NPFFR2: variants seen among roughly 807,000 people sequenced by gnomAD.
NPFFR2 encodes G-protein coupled receptor 74.
In NPFFR2, 15 loss-of-function variants were observed where a neutral mutation model predicts 13.1. The ratio of observed to expected loss-of-function variants is 1.15; its 90% CI spans 0.77 to 1.76. The LOEUF (loss-of-function observed/expected upper bound fraction) is 1.76, where lower values mean the gene tolerates loss of function less well. Ranked by LOEUF, NPFFR2 falls within the 40% of genes most tolerant of loss-of-function variation. The pLI, the probability that NPFFR2 is intolerant of heterozygous loss-of-function variation, is 0.00. For synonymous variants in NPFFR2, 190 were observed against 175.7 expected (o/e 1.08, Z -0.65); for missense variants, 572 against 503.5 (o/e 1.14, Z -1.30).
chr4:72,038,901 CTTTCTT>C (rs1246537674), intron 1 of NPFFR2, among the ~76,000 whole-genome samples: 881 of 86,874 alleles, frequency 0.01, 6 homozygotes, highest in East Asian at 0.015. Flanking sequence ...TTTAAATTTC[CTTTCTT>C]TTTTTTTTTT....
At chr4:72,066,466 AAAAGTCT>A (rs1720075410) in intron 1 of NPFFR2, among the ~76,000 whole-genome samples, 1 of 152,180 alleles carries the variant, frequency 6.6e-6, no homozygotes, top group African/African-American at 2.4e-5. Flanking sequence ...GTATCAACTT[AAAAGTCT>A]AAAGTCCAAA....
intron 1 of NPFFR2, among the ~76,000 whole-genome samples, chr4:72,128,266 G>A (rs1415158616): frequency 6.6e-6 from 1 of 152,112 alleles, no homozygotes; most frequent in Non-Finnish European, 1.5e-5. Context: ...GGAGGTAGAG[G>A]GAAGGAGAGT....
At chr4:72,143,913 A>C (rs954627391) in intron 3 of NPFFR2, among the ~76,000 whole-genome samples, 1 of 152,174 alleles carries the variant, frequency 6.6e-6, no homozygotes, top group Non-Finnish European at 1.5e-5. Context: ...TTCTGCAACA[A>C]ATGGTTTGAT....
chr4:72,058,422 A>T (rs1418728875), intron 1 of NPFFR2, among the ~76,000 whole-genome samples: 1 of 151,944 alleles, frequency 6.6e-6, no homozygotes, highest in African/African-American at 2.4e-5. Flanking sequence ...TTTTGAAGAA[A>T]ATATCTACTT....
intron 1 of NPFFR2, among the ~76,000 whole-genome samples, chr4:72,110,233 C>T (rs1294801329): frequency 6.6e-6 from 1 of 151,900 alleles, no homozygotes; most frequent in East Asian, 1.9e-4. Context: ...CCTTTTTGCT[C>T]AGCACTTCTC....
chr4:72,087,942 A>G (rs1032588302), intron 1 of NPFFR2, among the ~76,000 whole-genome samples: 2 of 152,088 alleles, frequency 1.3e-5, no homozygotes, highest in African/African-American at 2.4e-5. Context: ...CATCCCCCCA[A>G]AAATAGCCAT....
intron 2 of NPFFR2, among the ~76,000 whole-genome samples, chr4:72,131,279 T>A (rs955079665): frequency 6.6e-6 from 1 of 151,916 alleles, no homozygotes; most frequent in African/African-American, 2.4e-5. Context: ...GACTGCGCCC[T>A]TTTCTAACTA....
chr4:72,070,540 A>G (rs772281488), intron 1 of NPFFR2, among the ~76,000 whole-genome samples: 8 of 25,162 alleles, frequency 3.2e-4, no homozygotes, highest in Non-Finnish European at 7.1e-4. Context: ...TCATGGAAGT[A>G]TCGTGTGTGT....
intron 1 of NPFFR2, among the ~76,000 whole-genome samples, chr4:72,042,712 A>G (rs941474117): frequency 6.6e-6 from 1 of 152,134 alleles, no homozygotes; most frequent in Admixed American, 6.5e-5. Flanking sequence ...GGAACACTCA[A>G]CTTGAGAGAG....
At chr4:72,033,771 C>A (rs376194519) in intron 1 of NPFFR2, among the ~76,000 whole-genome samples, 2 of 152,284 alleles carry the variant, frequency 1.3e-5, no homozygotes. Context: ...TCCTATAAAT[C>A]ATACTGCTCA....
intron 1 of NPFFR2, among the ~76,000 whole-genome samples, chr4:72,067,610 A>G (rs1017904858): frequency 2.3e-5 from 2 of 87,582 alleles, no homozygotes; most frequent in East Asian, 2.3e-4. Flanking sequence ...TGTTTTAACT[A>G]TAAATTCCTT....
chr4:72,054,680 G>C (rs879645612), intron 1 of NPFFR2, among the ~76,000 whole-genome samples: 1 of 151,740 alleles, frequency 6.6e-6, no homozygotes, highest in African/African-American at 2.4e-5. Context: ...GAAAGACACA[G>C]TTGAGAAAAC....
At chr4:72,132,654 A>G (rs988973306) in intron 2 of NPFFR2, among the ~76,000 whole-genome samples, 2 of 152,132 alleles carry the variant, frequency 1.3e-5, no homozygotes, top group Non-Finnish European at 2.9e-5. Flanking sequence ...AATTTTGCCA[A>G]CATCTGTTAC....
chr4:72,115,219 AT>A (rs1197020379), intron 1 of NPFFR2, among the ~76,000 whole-genome samples: 4 of 152,152 alleles, frequency 2.6e-5, no homozygotes, highest in African/African-American at 9.7e-5. Flanking sequence ...ATTTCAATAA[AT>A]TATATTTGTA....
chr4:72,093,618 C>T (rs1406221231), intron 1 of NPFFR2, among the ~76,000 whole-genome samples: 1 of 143,080 alleles, frequency 7.0e-6, no homozygotes, highest in African/African-American at 2.5e-5. Flanking sequence ...TTGTTTGATT[C>T]TATTGCTGAG....
chr4:72,112,801 C>A (rs903462816), intron 1 of NPFFR2, among the ~76,000 whole-genome samples: 2 of 151,788 alleles, frequency 1.3e-5, no homozygotes, highest in African/African-American at 4.8e-5. Context: ...TAGGAAATTA[C>A]CTATCTCACA....
chr4:72,130,601 G>T (rs543893905), intron 2 of NPFFR2, among the ~76,000 whole-genome samples: 1 of 152,244 alleles, frequency 6.6e-6, no homozygotes, highest in East Asian at 1.9e-4. Flanking sequence ...CCCTGCTTGG[G>T]ACTGGTGAAG....
intron 1 of NPFFR2, among the ~76,000 whole-genome samples, chr4:72,092,187 A>G (rs753102996): frequency 6.6e-6 from 1 of 151,944 alleles, no homozygotes; most frequent in African/African-American, 2.4e-5. Context: ...GTATTCCACT[A>G]TGGTCTGCGA....
chr4:72,147,574 G>A lies in NPFFR2; in HGVS notation c.1025G>A (p.Arg342His), dbSNP rs183198628. The A allele has an allele frequency of 3.6e-5, 58 of 1,614,150 alleles. No homozygotes were observed. The East Asian group carries it at 8.5e-4, about 24-fold the overall frequency. ...GGTTTCTTCAACGAGAATTTCCGCC[G>A]TGGTTTCCAAGAAGCTTTCCAGCTC... ...IYGFFNENFR[R>H]GFQEAFQLQL... Residue 342 changes from arginine (R) to histidine (H), a missense_variant, in exon 4 of 4, where the codon CGT becomes CAT. Transcript: ENST00000308744.
Sources: gnomAD v4.1 joint callset for allele counts (sites outside exome capture counted in the v4.1 genomes callset) on GRCh38, gnomAD v4.1.1 for gene constraint, MANE v1.5 for transcripts, NCBI Gene and HGNC (gene_info 2026-07-23, HGNC 2026-07-21) for gene names.